Variants in SMYD3 observed in about 807,000 individuals in gnomAD.
The protein encoded by SMYD3 is histone-lysine N-methyltransferase SMYD3.
A neutral mutation model predicts 57.7 loss-of-function variants in SMYD3; 36 were observed. That is an observed-to-expected ratio of 0.62 (90% CI 0.48 to 0.82). The LOEUF (loss-of-function observed/expected upper bound fraction) is 0.82. Among genes scored for constraint, SMYD3 ranks in the 40% least tolerant of loss-of-function variants. SMYD3 has a pLI of 0.00. For missense variants in SMYD3, 515 were observed against 538.8 expected, an observed-to-expected ratio of 0.96 and a Z score of 0.44; for synonymous variants, 211 against 195.0, an observed-to-expected ratio of 1.08 and a Z score of -0.68.
chr1:245,796,108 G>T (rs1465356061), intron 10 of SMYD3, among the ~76,000 whole-genome samples: 1 of 152,102 alleles, frequency 6.6e-6, no homozygotes, highest in Non-Finnish European at 1.5e-5. Context: ...CAAATATAAA[G>T]GTCAAGGATA....
chr1:246,456,267 T>A (rs534401105), intron 1 of SMYD3, among the ~76,000 whole-genome samples: 1 of 152,344 alleles, frequency 6.6e-6, no homozygotes, highest in African/African-American at 2.4e-5. Context: ...TGGCTTCACA[T>A]TAGCATTACC....
intron 5 of SMYD3, among the ~76,000 whole-genome samples, chr1:246,061,788 T>C (rs922897553): frequency 6.6e-6 from 1 of 152,158 alleles, no homozygotes; most frequent in African/African-American, 2.4e-5. Flanking sequence ...GAAACAGTGA[T>C]GTGAAAGAAG....
intron 5 of SMYD3, among the ~76,000 whole-genome samples, chr1:246,194,944 A>C (rs1261764179): frequency 6.6e-6 from 1 of 152,174 alleles, no homozygotes; most frequent in African/African-American, 2.4e-5. Flanking sequence ...TACAATCCAT[A>C]TACGTGTGTT....
chr1:246,098,823 C>A (rs945816765), intron 5 of SMYD3, among the ~76,000 whole-genome samples: 1 of 151,906 alleles, frequency 6.6e-6, no homozygotes, highest in African/African-American at 2.4e-5. Flanking sequence ...CATGTATATA[C>A]ACTCACACAC....
intron 5 of SMYD3, among the ~76,000 whole-genome samples, chr1:246,092,609 A>G (rs977341334): frequency 8.5e-5 from 13 of 152,192 alleles, no homozygotes; most frequent in East Asian, 1.9e-4. Flanking sequence ...CAAAAATCCA[A>G]TCAAAATGGA....
rs536615984 is a variant in SMYD3, at chr1:246,404,255, C to G, written c.165-49161G>C. On this transcript the variant is annotated intron_variant, in intron 1 of 11. Transcript: ENST00000490107. ...GCAGTTTTGTTTTTGTGTGTTGAGGCCTTGGCTCAAGATCCCATCTGTGCT... is the reference window on the plus strand; with the variant it reads ...GCAGTTTTGTTTTTGTGTGTTGAGGGCTTGGCTCAAGATCCCATCTGTGCT... Among the ~76,000 whole-genome samples the G allele has an allele frequency of 2.6e-5, 4 of 152,288 alleles. No individual in the cohort carries two copies. The South Asian group carries it at 6.2e-4, about 24-fold the overall frequency.
intron 1 of SMYD3, among the ~76,000 whole-genome samples, chr1:246,499,866 GT>G (rs372081437): frequency 0.046 from 6,933 of 152,166 alleles, 511 homozygotes; most frequent in African/African-American, 0.16. Flanking sequence ...TCTCAATAAC[GT>G]TTTTTAAATC....
chr1:246,283,808 C>T (rs1339154739), intron 5 of SMYD3, among the ~76,000 whole-genome samples: 1 of 152,160 alleles, frequency 6.6e-6, no homozygotes, highest in Admixed American at 6.5e-5. Flanking sequence ...CTGACACAAC[C>T]GAGTCATAAA....
chr1:246,213,581 A>G (rs2063121384), intron 5 of SMYD3, among the ~76,000 whole-genome samples: 1 of 152,164 alleles, frequency 6.6e-6, no homozygotes, highest in African/African-American at 2.4e-5. Context: ...AGGGCAGGGG[A>G]ACACTCAGCT....
chr1:245,806,847 T>C (rs1307882005), intron 10 of SMYD3, among the ~76,000 whole-genome samples: 4 of 138,056 alleles, frequency 2.9e-5, no homozygotes, highest in Admixed American at 1.6e-4. Flanking sequence ...GAGGCGGAGC[T>C]TGCAGTGAGC....
chr1:245,900,802 T>G (rs942581698), intron 8 of SMYD3, among the ~76,000 whole-genome samples: 2 of 152,230 alleles, frequency 1.3e-5, no homozygotes, highest in African/African-American at 4.8e-5. Context: ...TAAGAGGAAC[T>G]AAATTCAAGA....
At chr1:245,752,579 G>A (rs1388789512) in intron 11 of SMYD3, among the ~76,000 whole-genome samples, 1 of 152,180 alleles carries the variant, frequency 6.6e-6, no homozygotes, top group East Asian at 1.9e-4. Context: ...AGTTCCAGTG[G>A]TGAGTTTCAC....
At chr1:246,323,140 A>G (rs1199490044) in intron 5 of SMYD3, among the ~76,000 whole-genome samples, 1 of 152,174 alleles carries the variant, frequency 6.6e-6, no homozygotes, top group Non-Finnish European at 1.5e-5. Flanking sequence ...CACCCCTAGA[A>G]AAATTCCTCC....
chr1:246,270,071 C>T (rs1010245565), intron 5 of SMYD3, among the ~76,000 whole-genome samples: 5 of 152,078 alleles, frequency 3.3e-5, no homozygotes, highest in African/African-American at 7.2e-5. Context: ...AATAACATTA[C>T]GACAAACAAG....
At chr1:246,250,514 T>C (rs2063782136) in intron 5 of SMYD3, among the ~76,000 whole-genome samples, 1 of 152,174 alleles carries the variant, frequency 6.6e-6, no homozygotes, top group Admixed American at 6.5e-5. Flanking sequence ...ATATAGCACC[T>C]TGACCACTAC....
intron 5 of SMYD3, among the ~76,000 whole-genome samples, chr1:246,072,412 T>A (rs376377198): frequency 6.6e-6 from 1 of 152,152 alleles, no homozygotes; most frequent in South Asian, 2.1e-4. Context: ...ATCCTGTTAG[T>A]TCTGGGGAGG....
chr1:246,451,340 C>T (rs779141324), intron 1 of SMYD3, among the ~76,000 whole-genome samples: 10 of 152,220 alleles, frequency 6.6e-5, no homozygotes, highest in East Asian at 1.9e-4. Flanking sequence ...TGAAAAGACA[C>T]GGAGGAAACT....
At position 245,973,650 on chromosome 1, in the gene SMYD3, G is replaced by A. The variant is rs1442289998; in HGVS notation, c.532-43713C>T. 2.0e-5 allele frequency among the ~76,000 whole-genome samples: 3 copies of A among 152,328 alleles called. No homozygotes were observed. In the East Asian group the frequency reaches 5.8e-4, roughly 29 times the overall value. On this transcript the variant is annotated intron_variant, in intron 5 of 11. Coordinates refer to ENST00000490107, the MANE Select transcript of SMYD3 (RefSeq NM_001167740.2). ...TTTTCTCAGCGAAAAGAGTTCTAGT[G>A]CACCCATCAGTTGCTCTTGTAACCA...
chr1:246,436,269 C>CA (rs1216821260), intron 1 of SMYD3, among the ~76,000 whole-genome samples: 1 of 148,112 alleles, frequency 6.8e-6, no homozygotes, highest in East Asian at 2.0e-4. Flanking sequence ...TGGACTTAAA[C>CA]AAAAAAAGAA....
Sources: gnomAD v4.1 joint callset for allele counts (sites outside exome capture counted in the v4.1 genomes callset) on GRCh38, gnomAD v4.1.1 for gene constraint, MANE v1.5 for transcripts, NCBI Gene and HGNC (gene_info 2026-07-23, HGNC 2026-07-21) for gene names.